Variants in CCDC8 observed in about 807,000 individuals in gnomAD.
The protein encoded by CCDC8 is coiled-coil domain containing 8 subunit of 3M complex.
In CCDC8, 6 loss-of-function variants were observed where a neutral mutation model predicts 5.2. The ratio of observed to expected loss-of-function variants is 1.16; its 90% CI spans 0.63 to 2.28. The LOEUF (loss-of-function observed/expected upper bound fraction) is 2.28, where lower values mean the gene tolerates loss of function less well. CCDC8 is among the 30% of genes most tolerant of loss of function. The pLI is 0.00. For synonymous variants in CCDC8, 310 were observed against 286.5 expected, an observed-to-expected ratio of 1.08 and a Z score of -0.83; for missense variants, 724 against 712.2, an observed-to-expected ratio of 1.02 and a Z score of -0.19.
Position 46,410,923 on chromosome 19 carries a change from G to A in CCDC8, c.*271C>T, listed in dbSNP as rs1187011897. Reference sequence around the variant, plus strand: ...TGTAATCCCAGCATTTTGGGAGGCCGAGGCAGGAGGATCACTTGAGGCCAG... The same window carrying A: ...TGTAATCCCAGCATTTTGGGAGGCCAAGGCAGGAGGATCACTTGAGGCCAG... On this transcript the variant is annotated 3_prime_UTR_variant, in exon 1 of 1. Coordinates refer to ENST00000307522, the MANE Select transcript of CCDC8 (RefSeq NM_032040.5). The A allele has an allele frequency of 2.2e-5, 9 of 417,248 alleles. No homozygotes were observed. The highest frequency in any genetic ancestry group is 8.7e-5 in the East Asian group (2 of 23,070). 25.8% of individuals were successfully genotyped at this position (417,248 alleles called of 1,614,324 possible).
chr19:46,412,861 AT>A lies in CCDC8; in HGVS notation c.-52del, dbSNP rs1275536588. The A allele has an allele frequency of 6.2e-7, 1 of 1,608,216 alleles. No homozygotes were observed. Among genetic ancestry groups the A allele is most frequent in the Non-Finnish European group, 8.5e-7 (1 of 1,177,172 alleles). ...CGGAACACCTTGCCGATCTTCTTAAATGTCCCCACGGGCTTTAGGGCTTCCA... is the reference window on the plus strand; with the variant it reads ...CGGAACACCTTGCCGATCTTCTTAAAGTCCCCACGGGCTTTAGGGCTTCCA... On this transcript the variant is annotated 5_prime_UTR_variant, in exon 1 of 1. Transcript: ENST00000307522. The surrounding 1 kb of genome is among the most constrained non-coding windows in gnomAD (Gnocchi z 4.7).
Position 46,411,477 on chromosome 19 carries a change from C to G in CCDC8, c.1334G>C (p.Arg445Thr). The stretch of plus-strand genomic sequence containing the variant: ...TTCCTGGATACCTGGGGCCCCTGCC[C>G]TCTGATTATGTGCAGCCTCTGCCCT... ...GQRAEAAHNQ[R>T]AGAPGIQEAE... Residue 445 changes from arginine to threonine, a missense_variant, in exon 1 of 1, where the codon AGG (arginine) becomes ACG (threonine). Coordinates refer to ENST00000307522, the MANE Select transcript of CCDC8 (RefSeq NM_032040.5). 2 of 1,614,240 alleles carry G rather than the reference C, an allele frequency of 1.2e-6. No homozygotes were observed. The highest frequency in any genetic ancestry group is 1.1e-5 in the South Asian group (1 of 91,090).
chr19:46,412,001 G>T lies in CCDC8; in HGVS notation c.810C>A (p.Asn270Lys), dbSNP rs748124446. 6.2e-7 allele frequency: 1 copy of T among 1,605,924 alleles called. No homozygotes were observed. The highest frequency in any genetic ancestry group is 1.7e-5 in the Admixed American group (1 of 60,016). ...TCCTGCGGCGCCGAAAGGAGGCCCAGTTGATCTTGGGCCTCCATCGCCTAG... is the reference window on the plus strand; with the variant it reads ...TCCTGCGGCGCCGAAAGGAGGCCCATTTGATCTTGGGCCTCCATCGCCTAG... ...ASPRRWRPKINWASFRRRRKE... is the reference protein window; with the variant it reads ...ASPRRWRPKIKWASFRRRRKE... Residue 270 changes from asparagine to lysine, a missense_variant, in exon 1 of 1, where the codon AAC becomes AAA. Transcript: ENST00000307522. The surrounding 1 kb of genome is among the most constrained non-coding windows in gnomAD (Gnocchi z 4.7).
In CCDC8 at chr19:46,412,053, C is replaced by T. The variant is rs2147432148; in HGVS notation, c.758G>A (p.Gly253Glu). The change falls in exon 1 of 1, where the codon GGA (glycine) becomes GAA (glutamate). Residue 253 changes from glycine to glutamate, a missense_variant. Physicochemically the swap from Gly to Glu is moderately conservative, Grantham distance 98. Transcript: ENST00000307522. The surrounding 1 kb of genome is among the most constrained non-coding windows in gnomAD (Gnocchi z 4.7). ...GGAAGCCTGGGGCACACAAACATCT[C>T]CCGCGTTTCCCAAGCGATCCCCCGG... ...TSPGDRLGNAGDVCVPQASPR... is the reference protein window; with the variant it reads ...TSPGDRLGNAEDVCVPQASPR... 2.5e-6 allele frequency: 4 copies of T among 1,600,796 alleles called. No individual in the cohort carries two copies. The highest frequency in any genetic ancestry group is 3.4e-6 in the Non-Finnish European group (4 of 1,179,960).
Position 46,412,229 on chromosome 19 carries a change from C to G in CCDC8, c.582G>C (p.Trp194Cys), listed in dbSNP as rs1973242030. The G allele has an allele frequency of 1.9e-6, 3 of 1,600,412 alleles. No homozygotes were observed. The highest frequency in any genetic ancestry group is 2.2e-5 in the South Asian group (2 of 91,088). Residue 194 changes from tryptophan (W) to cysteine (C), a missense_variant, in exon 1 of 1, where the codon TGG becomes TGC. By Grantham distance (215) the Trp-to-Cys change is radical. Transcript: ENST00000307522. The surrounding 1 kb of genome is among the most constrained non-coding windows in gnomAD (Gnocchi z 4.7). ...LGPQLSKADR[W>C]REYVSQVSWG... The stretch of plus-strand genomic sequence containing the variant: ...AGGACACCTGGCTGACATACTCCCG[C>G]CACCTGTCCGCTTTGGACAGCTGAG...
In CCDC8 at chr19:46,412,025, A is replaced by T. The variant is rs1469629224; in HGVS notation, c.786T>A (p.Pro262=). 2 of 1,603,434 alleles carry T rather than the reference A, an allele frequency of 1.2e-6. No homozygotes were observed. Among genetic ancestry groups the T allele is most frequent in the Admixed American group, 3.3e-5 (2 of 60,024 alleles). ...AGDVCVPQAS[P]RRWRPKINWA... ...AGTTGATCTTGGGCCTCCATCGCCT[A>T]GGGGAAGCCTGGGGCACACAAACAT... Residue 262 remains proline (P), a synonymous_variant, in exon 1 of 1, where the codon CCT becomes CCA. Coordinates refer to ENST00000307522, the MANE Select transcript of CCDC8 (RefSeq NM_032040.5). This position sits in a 1 kb window ranked among gnomAD's most constrained non-coding sequence, Gnocchi z 4.7.
chr19:46,411,546 A>G lies in CCDC8; in HGVS notation c.1265T>C (p.Val422Ala). Reference protein sequence around the residue: ...VHDQRERAPAVQGADNQRAQA... With the variant: ...VHDQRERAPAAQGADNQRAQA... ...TGCCCTCTGATTATCTGCACCCTGG[A>G]CAGCTGGGGCCCTTTCCCTCTGGTC... The change falls in exon 1 of 1, where the codon GTC (valine) becomes GCC (alanine). Residue 422 changes from valine to alanine, a missense_variant. Transcript: ENST00000307522. The G allele has an allele frequency of 6.2e-7, 1 of 1,607,880 alleles. No homozygotes were observed. The highest frequency in any genetic ancestry group is 1.7e-5 in the Admixed American group (1 of 59,342).
Position 46,411,375 on chromosome 19 carries a change from C to G in CCDC8, c.1436G>C (p.Arg479Thr), listed in dbSNP as rs767920503. Residue 479 changes from arginine to threonine, a missense_variant, in exon 1 of 1, where the codon AGG (arginine) becomes ACG (threonine). By Grantham distance (71) the Arg-to-Thr change is moderately conservative. Coordinates refer to ENST00000307522, the MANE Select transcript of CCDC8 (RefSeq NM_032040.5). ...ARARKQVKTVRFQTPGRFSWF... is the reference protein window; with the variant it reads ...ARARKQVKTVTFQTPGRFSWF... The stretch of plus-strand genomic sequence containing the variant: ...CGAAAAGCGTCCAGGGGTCTGGAAC[C>G]TCACTGTCTTGACCTGTTTCCGGGC... 1.2e-6 allele frequency: 2 copies of G among 1,614,110 alleles called. No homozygotes were observed. Among genetic ancestry groups the G allele is most frequent in the Admixed American group, 1.7e-5 (1 of 60,006 alleles).
rs552900990 is a variant in CCDC8, at chr19:46,412,103, T to C, written c.708A>G (p.Val236=). ...GGCTGGTGCCCTCTGGCGCCGATGATACCCCTGCGCTCTCCACTGCGGTGG... is the reference window on the plus strand; with the variant it reads ...GGCTGGTGCCCTCTGGCGCCGATGACACCCCTGCGCTCTCCACTGCGGTGG... ...LASTAVESAG[V]SSAPEGTSPG... Residue 236 remains valine, a synonymous_variant, in exon 1 of 1, where the codon GTA becomes GTG. Coordinates refer to ENST00000307522, the MANE Select transcript of CCDC8 (RefSeq NM_032040.5). This position sits in a 1 kb window ranked among gnomAD's most constrained non-coding sequence, Gnocchi z 4.7. 1 of 1,599,362 alleles carries C rather than the reference T, an allele frequency of 6.3e-7. No individual in the cohort carries two copies. The highest frequency in any genetic ancestry group is 1.3e-5 in the African/African-American group (1 of 75,056).
Position 46,413,036 on chromosome 19 carries a change from G to A in CCDC8, c.-226C>T, listed in dbSNP as rs1973253904. On this transcript the variant is annotated 5_prime_UTR_variant, in exon 1 of 1. Coordinates refer to ENST00000307522, the MANE Select transcript of CCDC8 (RefSeq NM_032040.5). ...AGATCTCCAGGGTGATATCTGGGGT[G>A]AGGGGGCAATGAGCCCCAACAAACT... 1.6e-6 allele frequency: 1 copy of A among 623,086 alleles called. No homozygotes were observed. The highest frequency in any genetic ancestry group is 2.9e-6 in the Non-Finnish European group (1 of 343,494). 38.6% of individuals were successfully genotyped at this position (623,086 alleles called of 1,614,324 possible).
chr19:46,412,734 A>G lies in CCDC8; in HGVS notation c.77T>C (p.Val26Ala). Residue 26 changes from valine to alanine, a missense_variant, in exon 1 of 1, where the codon GTC becomes GCC. Transcript: ENST00000307522. The surrounding 1 kb of genome is among the most constrained non-coding windows in gnomAD (Gnocchi z 4.7). ...EVRLAGGVWR[V>A]ISKPATKEAE... ...TTCCTTGGTGGCGGGCTTAGAGATGACTCTCCAGACGCCCCCAGCCAGCCT... is the reference window on the plus strand; with the variant it reads ...TTCCTTGGTGGCGGGCTTAGAGATGGCTCTCCAGACGCCCCCAGCCAGCCT... 2 of 1,612,614 alleles carry G rather than the reference A, an allele frequency of 1.2e-6. No homozygotes were observed. Among genetic ancestry groups the G allele is most frequent in the Non-Finnish European group, 1.7e-6 (2 of 1,179,718 alleles).
chr19:46,412,507 C>A lies in CCDC8; in HGVS notation c.304G>T (p.Ala102Ser). 1 of 1,608,026 alleles carries A rather than the reference C, an allele frequency of 6.2e-7. No homozygotes were observed. The highest frequency in any genetic ancestry group is 1.1e-5 in the South Asian group (1 of 91,056). Residue 102 changes from alanine (A) to serine (S), a missense_variant, in exon 1 of 1, where the codon GCC becomes TCC. By Grantham distance (99) the Ala-to-Ser change is moderately conservative. Transcript: ENST00000307522. The surrounding 1 kb of genome is among the most constrained non-coding windows in gnomAD (Gnocchi z 4.7). ...AAGTCGCTGAACTCGCTGTCGCTGG[C>A]GTTGCTGCTGTCGTACGTGCCCACG... ...LVVGTYDSSN[A>S]SDSEFSDFET...
chr19:46,412,048 C>T lies in CCDC8; in HGVS notation c.763G>A (p.Val255Ile). 3 of 1,601,262 alleles carry T rather than the reference C, an allele frequency of 1.9e-6. No individual in the cohort carries two copies. The highest frequency in any genetic ancestry group is 2.5e-6 in the Non-Finnish European group (3 of 1,179,960). The change falls in exon 1 of 1, where the codon GTT becomes ATT. Residue 255 changes from valine (V) to isoleucine (I), a missense_variant. Val to Ile is a conservative substitution (Grantham distance 29). Transcript: ENST00000307522. The surrounding 1 kb of genome is among the most constrained non-coding windows in gnomAD (Gnocchi z 4.7). ...CTAGGGGAAGCCTGGGGCACACAAA[C>T]ATCTCCCGCGTTTCCCAAGCGATCC... is the stretch of plus-strand genomic sequence containing the variant. ...PGDRLGNAGD[V>I]CVPQASPRRW...
At position 46,411,358 on chromosome 19, in the gene CCDC8, G is replaced by C. The variant is rs199580829; in HGVS notation, c.1453C>G (p.Arg485Gly). Reference sequence around the variant, plus strand: ...CGGCGCTTGCAAAACCACGAAAAGCGTCCAGGGGTCTGGAACCTCACTGTC... The same window carrying C: ...CGGCGCTTGCAAAACCACGAAAAGCCTCCAGGGGTCTGGAACCTCACTGTC... Reference protein sequence around the residue: ...VKTVRFQTPGRFSWFCKRRRA... With the variant: ...VKTVRFQTPGGFSWFCKRRRA... Residue 485 changes from arginine to glycine, a missense_variant, in exon 1 of 1, where the codon CGC becomes GGC. Transcript: ENST00000307522. 6.2e-7 allele frequency: 1 copy of C among 1,614,210 alleles called. No individual in the cohort carries two copies. The highest frequency in any genetic ancestry group is 1.1e-5 in the South Asian group (1 of 91,082).
Position 46,412,787 on chromosome 19 carries a change from G to A in CCDC8, c.24C>T (p.Val8=). 6.2e-7 allele frequency: 1 copy of A among 1,614,010 alleles called. No individual in the cohort carries two copies. Among genetic ancestry groups the A allele is most frequent in the Non-Finnish European group, 8.5e-7 (1 of 1,180,026 alleles). Reference sequence around the variant, plus strand: ...CCTCCCGGGGGATGAGCAAATAGTCGACGTCCTCCCCGATCTGCAGCATCC... The same window carrying A: ...CCTCCCGGGGGATGAGCAAATAGTCAACGTCCTCCCCGATCTGCAGCATCC... MLQIGED[V]DYLLIPREVR... Residue 8 remains valine, a synonymous_variant, in exon 1 of 1, where the codon GTC becomes GTT. Transcript: ENST00000307522. This position sits in a 1 kb window ranked among gnomAD's most constrained non-coding sequence, Gnocchi z 4.7.
rs1897897326 is a variant in CCDC8, at chr19:46,411,611, C to G, written c.1200G>C (p.Gly400=). 1 of 1,613,852 alleles carries G rather than the reference C, an allele frequency of 6.2e-7. No individual in the cohort carries two copies. The highest frequency in any genetic ancestry group is 8.5e-7 in the Non-Finnish European group (1 of 1,179,970). Residue 400 remains glycine (G), a synonymous_variant, in exon 1 of 1, where the codon GGG becomes GGC. Transcript: ENST00000307522. ...CCCTTTGATTATCTGTAACCTCTGACCCCTGGTCAGCTGGGGCCTCCGCCC... is the reference window on the plus strand; with the variant it reads ...CCCTTTGATTATCTGTAACCTCTGAGCCCTGGTCAGCTGGGGCCTCCGCCC... ...NQRAEAPADQ[G]SEVTDNQREE...
Position 46,411,758 on chromosome 19 carries a change from C to T in CCDC8, c.1053G>A (p.Glu351=). The change falls in exon 1 of 1, where the codon GAG becomes GAA. Residue 351 remains glutamate (E), a synonymous_variant. Transcript: ENST00000307522. ...DNQRAGAPAE[E]GAEAADNQRE... The stretch of plus-strand genomic sequence containing the variant: ...TCTGGTTATCTGCAGCCTCTGCCCC[C>T]TCCTCAGCTGGGGCCCCTGCCCTCT... The T allele has an allele frequency of 1.9e-6, 3 of 1,613,326 alleles. No individual in the cohort carries two copies. The highest frequency in any genetic ancestry group is 2.5e-6 in the Non-Finnish European group (3 of 1,179,850).
In CCDC8 at chr19:46,412,396, A is replaced by G; in HGVS notation, c.415T>C (p.Phe139Leu). 6.2e-7 allele frequency: 1 copy of G among 1,613,452 alleles called. No individual in the cohort carries two copies. Among genetic ancestry groups the G allele is most frequent in the Non-Finnish European group, 8.5e-7 (1 of 1,179,948 alleles). ...KMPVSYLGSK[F>L]LGSDLESEDD... is the part of the protein sequence containing the mutation. ...TCACTCTCCAGGTCGCTTCCCAGGA[A>G]CTTGCTGCCCAGGTAGCTGACGGGC... Residue 139 changes from phenylalanine to leucine, a missense_variant, in exon 1 of 1, where the codon TTC (phenylalanine) becomes CTC (leucine). Coordinates refer to ENST00000307522, the MANE Select transcript of CCDC8 (RefSeq NM_032040.5). This position sits in a 1 kb window ranked among gnomAD's most constrained non-coding sequence, Gnocchi z 4.7.
At position 46,412,077 on chromosome 19, in the gene CCDC8, G is replaced by A. The variant is rs758503570; in HGVS notation, c.734C>T (p.Pro245Leu). The A allele has an allele frequency of 1.3e-6, 2 of 1,599,872 alleles. No homozygotes were observed. Among genetic ancestry groups the A allele is most frequent in the Non-Finnish European group, 8.5e-7 (1 of 1,179,942 alleles). ...TCCCGCGTTTCCCAAGCGATCCCCC[G>A]GGCTGGTGCCCTCTGGCGCCGATGA... is the stretch of plus-strand genomic sequence containing the variant. ...GVSSAPEGTS[P>L]GDRLGNAGDV... Residue 245 changes from proline to leucine, a missense_variant, in exon 1 of 1, where the codon CCG becomes CTG. Transcript: ENST00000307522. The surrounding 1 kb of genome is among the most constrained non-coding windows in gnomAD (Gnocchi z 4.7).
Sources: allele counts gnomAD v4.1 joint callset, GRCh38; gene constraint gnomAD v4.1.1; non-coding constraint Gnocchi (gnomAD v3.1); transcripts MANE v1.5; gene names NCBI Gene and HGNC (gene_info 2026-07-23, HGNC 2026-07-21).